ELMOD3: variants seen among roughly 807,000 people sequenced by gnomAD.
ELMOD3 encodes the protein ELMO domain containing 3.
In ELMOD3, 36 loss-of-function variants were observed where a neutral mutation model predicts 47.4. The ratio of observed to expected loss-of-function variants is 0.76; its 90% CI spans 0.58 to 1.00. ELMOD3 has a LOEUF of 1.00. Ranked by LOEUF, ELMOD3 falls within the 50% of genes least tolerant of loss-of-function variation. ELMOD3 has a pLI of 0.00. For synonymous variants in ELMOD3, 149 were observed against 183.5 expected (o/e 0.81, Z 1.52); for missense variants, 404 against 463.8 (o/e 0.87, Z 1.18).
intron 11 of ELMOD3, among the ~76,000 whole-genome samples, chr2:85,381,133 T>G (rs1573137211): frequency 6.6e-6 from 1 of 152,360 alleles, no homozygotes; most frequent in African/African-American, 2.4e-5. Flanking sequence ...GTATAATTTT[T>G]ATACCAAATA....
intron 10 of ELMOD3, among the ~76,000 whole-genome samples, chr2:85,375,701 A>C (rs1043758854): frequency 2.0e-5 from 3 of 152,258 alleles, no homozygotes; most frequent in Non-Finnish European, 4.4e-5. Context: ...GCTTAAAACA[A>C]CACAAATTAT....
intron 11 of ELMOD3, chr2:85,387,002 C>A: frequency 8.1e-7 from 1 of 1,233,470 alleles, no homozygotes; most frequent in Non-Finnish European, 1.1e-6. Flanking sequence ...AACTCCGTCT[C>A]AAAAAAAGAA....
chr2:85,370,288 G>T (rs1684699379), intron 8 of ELMOD3, among the ~76,000 whole-genome samples: 3 of 152,036 alleles, frequency 2.0e-5, no homozygotes, highest in Non-Finnish European at 4.4e-5. Flanking sequence ...TGGGTGCTGG[G>T]CATAGTGGCT....
chr2:85,374,386 G>C (rs928539262), intron 10 of ELMOD3, among the ~76,000 whole-genome samples: 3 of 152,062 alleles, frequency 2.0e-5, no homozygotes, highest in African/African-American at 7.2e-5. Context: ...CTATTGCCCA[G>C]GCTGGAGTGC....
rs892581269 is a variant in ELMOD3 at position 85,391,201 on chromosome 2, A to G, written c.*239A>G. 1 of 511,062 alleles carries G rather than the reference A, an allele frequency of 2.0e-6. No individual in the cohort carries two copies. Among genetic ancestry groups the G allele is most frequent in the African/African-American group, 1.9e-5 (1 of 51,856 alleles). 31.7% of individuals were successfully genotyped at this position (511,062 alleles called of 1,614,324 possible). ...CCAGAGCAAGGAGAATTCTGCCTTAATCTGTTGGGCTCCAGTCTCCGGGTT... is the reference window on the plus strand; with the variant it reads ...CCAGAGCAAGGAGAATTCTGCCTTAGTCTGTTGGGCTCCAGTCTCCGGGTT... On this transcript the variant is annotated 3_prime_UTR_variant, in exon 14 of 14. Transcript: ENST00000409013.
intron 13 of ELMOD3, 59 bp downstream of exon 13, chr2:85,390,324 G>A: frequency 6.2e-7 from 1 of 1,614,126 alleles, no homozygotes; most frequent in East Asian, 2.2e-5. Flanking sequence ...GGTCCAGAGA[G>A]CCCAAGGTGG....
intron 6 of ELMOD3, chr2:85,367,749 A>C (rs1421414586): frequency 6.6e-6 from 1 of 152,240 alleles, no homozygotes; most frequent in Non-Finnish European, 1.5e-5. Context: ...TGATAAATCC[A>C]TCAAAAAGTC....
At chr2:85,358,788 C>A (rs7599368) in intron 4 of ELMOD3, among the ~76,000 whole-genome samples, 9,410 of 152,066 alleles carry the variant, frequency 0.062, 557 homozygotes, top group African/African-American at 0.16. Flanking sequence ...AAGTACAGAA[C>A]GATATATGTA....
At position 85,382,537 on chromosome 2, in the gene ELMOD3, CAG is replaced by C. The variant is rs552659269; in HGVS notation, c.738+5066_738+5067del. Among the ~76,000 whole-genome samples, 228 of 110,730 alleles carry C rather than the reference CAG, an allele frequency of 2.1e-3. 2 individuals are homozygous for C. Among genetic ancestry groups the C allele is most frequent in the African/African-American group, 7.3e-3 (217 of 29,680 alleles). 72.6% of individuals were successfully genotyped at this position (110,730 alleles called of 152,430 possible). On this transcript the variant is annotated intron_variant, in intron 11 of 13. Coordinates refer to ENST00000409013, the MANE Select transcript of ELMOD3 (RefSeq NM_001135022.2). ...TCACAAGGACTTTTTTTTTTTGAGACAGAGTCTCACTTTTGTCACACAGGCTG... is the reference window on the plus strand; with the variant it reads ...TCACAAGGACTTTTTTTTTTTGAGACAGTCTCACTTTTGTCACACAGGCTG...
chr2:85,377,119 G>GAA (rs1237350438), intron 10 of ELMOD3, among the ~76,000 whole-genome samples: 3 of 152,260 alleles, frequency 2.0e-5, no homozygotes, highest in African/African-American at 4.8e-5. Context: ...GCAGCAGCAA[G>GAA]AAAACTGATG....
chr2:85,383,564 T>C (rs760630836), intron 11 of ELMOD3, among the ~76,000 whole-genome samples: 9 of 152,110 alleles, frequency 5.9e-5, no homozygotes, highest in Non-Finnish European at 1.3e-4. Context: ...CCTCAGGTGA[T>C]CCACCCGCCT....
chr2:85,371,087 A>G lies in ELMOD3; in HGVS notation c.362A>G (p.Lys121Arg). ...FQTVDLSPFKKRIQPTIRRTG... is the reference protein window; with the variant it reads ...FQTVDLSPFKRRIQPTIRRTG... ...CATTGCCTGCAACTTCTTCCCCAGA[A>G]AAGAATCCAGCCAACTATTCGAAGG... The change falls in exon 9 of 14, where the codon AAA becomes AGA. Residue 121 changes from lysine (K) to arginine (R), a missense_variant and splice_region_variant. Transcript: ENST00000409013. The G allele has an allele frequency of 6.2e-7, 1 of 1,613,754 alleles. No homozygotes were observed.
chr2:85,377,451 C>T lies in ELMOD3; in HGVS notation c.715C>T (p.Arg239Cys), dbSNP rs1427110016. ...KTLPMAQEIF[R>C]LSRHHIQQFP... The stretch of plus-strand genomic sequence containing the variant: ...CTTGCCGATGGCGCAGGAGATTTTC[C>T]GCCTGTCTCGTCACCACATCCAGGT... Residue 239 changes from arginine to cysteine, a missense_variant, in exon 11 of 14, where the codon CGC (arginine) becomes TGC (cysteine). Transcript: ENST00000409013. 1.3e-5 allele frequency: 21 copies of T among 1,608,644 alleles called. No homozygotes were observed. The highest frequency in any genetic ancestry group is 4.5e-5 in the East Asian group (2 of 44,404).
At chr2:85,375,348 C>G (rs1685097993) in intron 10 of ELMOD3, among the ~76,000 whole-genome samples, 1 of 152,178 alleles carries the variant, frequency 6.6e-6, no homozygotes, top group South Asian at 2.1e-4. Flanking sequence ...GTTATAGCCT[C>G]AGATCTCCAA....
chr2:85,376,988 C>T lies in ELMOD3; in HGVS notation c.608-356C>T, dbSNP rs1685203247. ...AGTAATGTCCAGGGCTTTAGCTGTA[C>T]TTAGTGGGAGGAATAGGCAGAAAGT... On this transcript the variant is annotated intron_variant, in intron 10 of 13. Transcript: ENST00000409013. This position sits in a 1 kb window ranked among gnomAD's most constrained non-coding sequence, Gnocchi z 4.2. The T allele has an allele frequency of 6.3e-6, 1 of 158,284 alleles. No individual in the cohort carries two copies. The highest frequency in any genetic ancestry group is 2.0e-4 in the South Asian group (1 of 5,020). 9.8% of individuals were successfully genotyped at this position (158,284 alleles called of 1,614,324 possible). A position where few individuals can be genotyped will look rare whatever the true frequency, so the allele number is the denominator to read the frequency against.
chr2:85,384,003 C>T (rs369062730), intron 11 of ELMOD3, among the ~76,000 whole-genome samples: 39 of 152,108 alleles, frequency 2.6e-4, no homozygotes, highest in African/African-American at 8.9e-4. Flanking sequence ...TTGGTTCCTC[C>T]GGAAAGGTGG....
intron 11 of ELMOD3, among the ~76,000 whole-genome samples, chr2:85,379,419 C>T (rs1685399786): frequency 6.6e-6 from 1 of 152,154 alleles, no homozygotes; most frequent in Non-Finnish European, 1.5e-5. Context: ...GTTGGTCAGG[C>T]TGGTCTCGAG....
At chr2:85,390,086 G>A in intron 12 of ELMOD3, 52 bp from the exon 13 acceptor site, 2 of 1,531,486 alleles carry the variant, frequency 1.3e-6, no homozygotes, top group Non-Finnish European at 1.8e-6. Context: ...AGGGAACCTA[G>A]GTCTCAGCCT....
intron 4 of ELMOD3, among the ~76,000 whole-genome samples, chr2:85,361,937 A>AG (rs1201280904): frequency 1.3e-5 from 2 of 151,932 alleles, no homozygotes; most frequent in African/African-American, 4.8e-5. Flanking sequence ...TCTCAAAAAA[A>AG]AAAAAGAAAA....
Sources: gnomAD v4.1 joint callset for allele counts (sites outside exome capture counted in the v4.1 genomes callset) on GRCh38, gnomAD v4.1.1 for gene constraint, Gnocchi (gnomAD v3.1) non-coding constraint, MANE v1.5 for transcripts, NCBI Gene and HGNC (gene_info 2026-07-23, HGNC 2026-07-21) for gene names.